Variants in ADGRL2 observed in about 807,000 individuals in gnomAD.
ADGRL2 encodes the protein adhesion G protein-coupled receptor L2, also known as calcium-independent alpha-latrotoxin receptor 2.
Under a neutral mutation model 157.4 loss-of-function variants are expected in ADGRL2, and 44 were observed. The ratio of observed to expected loss-of-function variants is 0.28; its 90% confidence interval spans 0.22 to 0.36. The LOEUF is 0.36. Ranked by LOEUF, ADGRL2 falls within the 10% of genes least tolerant of loss-of-function variation. ADGRL2 has a pLI of 1.00. For synonymous variants in ADGRL2, 585 were observed against 624.7 expected, an observed-to-expected ratio of 0.94 and a Z score of 0.95; for missense variants, 1,510 against 1,768.9, an observed-to-expected ratio of 0.85 and a Z score of 2.63.
chr1:81,353,722 A>G (rs1196835421), intron 1 of ADGRL2, among the ~76,000 whole-genome samples: 1 of 152,148 alleles, frequency 6.6e-6, no homozygotes, highest in East Asian at 1.9e-4. Context: ...AAAACTGAAG[A>G]GGGAGAAAAG....
At chr1:81,875,472 T>G (rs1158390844) in intron 2 of ADGRL2, among the ~76,000 whole-genome samples, 3 of 152,196 alleles carry the variant, frequency 2.0e-5, no homozygotes, top group Non-Finnish European at 4.4e-5. Context: ...TATGAGTATG[T>G]TATGTTCTAT....
At chr1:81,452,965 AG>A (rs141393160) in intron 2 of ADGRL2, among the ~76,000 whole-genome samples, 1 of 152,320 alleles carries the variant, frequency 6.6e-6, no homozygotes, top group East Asian at 1.9e-4. Flanking sequence ...ACATCAAGGC[AG>A]ATATTGCCAG....
chr1:81,447,205 A>G lies in ADGRL2; in HGVS notation c.-248+2116A>G, dbSNP rs1483398365. ...TTATAATAGATACCATTCCCAGATG[A>G]TACTTACGTGAATTTTTTTCTTTTT... On this transcript the variant is annotated intron_variant, in intron 2 of 24. Transcript: ENST00000370721. 1.3e-4 allele frequency among the ~76,000 whole-genome samples: 18 copies of G among 143,168 alleles called. No individual in the cohort carries two copies. In the Admixed American group the frequency reaches 1.3e-3, roughly 10 times the overall value. 93.9% of individuals were successfully genotyped at this position (143,168 alleles called of 152,430 possible).
chr1:81,783,170 C>A (rs1353273470), intron 2 of ADGRL2, among the ~76,000 whole-genome samples: 2 of 152,208 alleles, frequency 1.3e-5, no homozygotes, highest in African/African-American at 4.8e-5. Context: ...GTCGCCCAGG[C>A]TGGAGTGCAG....
intron 1 of ADGRL2, among the ~76,000 whole-genome samples, chr1:81,374,209 C>T (rs1479984705): frequency 6.6e-6 from 1 of 152,116 alleles, no homozygotes; most frequent in African/African-American, 2.4e-5. Flanking sequence ...TGACTCAAAA[C>T]CATTAAAGCA....
Position 81,374,792 on chromosome 1 carries a change from T to C in ADGRL2, c.-302+68283T>C, listed in dbSNP as rs867952645. On this transcript the variant is annotated intron_variant, in intron 1 of 24. Coordinates refer to the ADGRL2 transcript ENST00000370721. The stretch of plus-strand genomic sequence containing the variant: ...AACAATTTAGGATCCTGGGATTTAC[T>C]GAGACTTCCAGCACAGTAACAGCTA... Among the ~76,000 whole-genome samples, 14 of 152,308 alleles carry C rather than the reference T, an allele frequency of 9.2e-5. No individual in the cohort carries two copies. The South Asian group carries it at 1.0e-3, about 11-fold the overall frequency.
intron 2 of ADGRL2, among the ~76,000 whole-genome samples, chr1:81,476,044 G>C: frequency 6.6e-6 from 1 of 152,104 alleles, no homozygotes; most frequent in East Asian, 1.9e-4. Flanking sequence ...TCCCAGCTAC[G>C]TCAACATTGA....
At chr1:81,383,808 CAAAAAAAA>C (rs56660027) in intron 1 of ADGRL2, among the ~76,000 whole-genome samples, 1 of 104,376 alleles carries the variant, frequency 9.6e-6, no homozygotes, top group African/African-American at 3.7e-5. Flanking sequence ...ACTAAAAATA[CAAAAAAAA>C]AAAAAAAAAA....
intron 2 of ADGRL2, among the ~76,000 whole-genome samples, chr1:81,480,664 A>G (rs112232042): frequency 9.8e-5 from 15 of 152,336 alleles, no homozygotes; most frequent in African/African-American, 3.6e-4. Flanking sequence ...TTATTTTCAT[A>G]TGAGCTAGCA....
At chr1:81,671,211 G>T (rs1290274080) in intron 3 of ADGRL2, among the ~76,000 whole-genome samples, 1 of 152,154 alleles carries the variant, frequency 6.6e-6, no homozygotes. Context: ...CTGGTCAGGA[G>T]AACTGAGCCA....
intron 3 of ADGRL2, among the ~76,000 whole-genome samples, chr1:81,583,447 T>A (rs982817136): frequency 3.3e-5 from 5 of 152,150 alleles, no homozygotes; most frequent in African/African-American, 9.7e-5. Context: ...GGCTATAATT[T>A]TCCCTAGAAG....
At chr1:81,776,666 T>G (rs1263579149) in intron 2 of ADGRL2, among the ~76,000 whole-genome samples, 1 of 152,206 alleles carries the variant, frequency 6.6e-6, no homozygotes, top group Non-Finnish European at 1.5e-5. Flanking sequence ...TTTATATAAT[T>G]TGGTCATCAC....
At chr1:81,827,024 A>C (rs2091547739) in intron 1 of ADGRL2, among the ~76,000 whole-genome samples, 1 of 140,656 alleles carries the variant, frequency 7.1e-6, no homozygotes, top group African/African-American at 2.4e-5. Context: ...AGACTTATGA[A>C]AAATAAAAAA....
In ADGRL2 at chr1:81,366,084, T is replaced by TATTGAAAATA. The variant is rs2076061169; in HGVS notation, c.-302+59575_-302+59576insATTGAAAATA. Among the ~76,000 whole-genome samples the TATTGAAAATA allele has an allele frequency of 2.6e-5, 4 of 152,206 alleles. No individual in the cohort carries two copies. In the South Asian group the frequency reaches 8.3e-4, roughly 32 times the overall value. Reference sequence around the variant, plus strand: ...GGATAGTCTGTTGGTTCTTACAGACTGTCATTCTTTTTATACCTTCCTCTT... The same window carrying TATTGAAAATA: ...GGATAGTCTGTTGGTTCTTACAGACTATTGAAAATAGTCATTCTTTTTATACCTTCCTCTT... On this transcript the variant is annotated intron_variant, in intron 1 of 24. Coordinates refer to the ADGRL2 transcript ENST00000370721.
At chr1:81,504,752 C>T (rs2078933424) in intron 2 of ADGRL2, among the ~76,000 whole-genome samples, 1 of 152,116 alleles carries the variant, frequency 6.6e-6, no homozygotes, top group South Asian at 2.1e-4. Context: ...CCCCCACCCC[C>T]AGCTGACCAG....
intron 17 of ADGRL2, among the ~76,000 whole-genome samples, chr1:81,975,586 A>G (rs935141965): frequency 1.3e-5 from 2 of 151,982 alleles, no homozygotes; most frequent in African/African-American, 4.8e-5. Flanking sequence ...AAGGCAGAAA[A>G]ATAAATTGGG....
At chr1:81,677,289 T>A (rs1446156770) in intron 3 of ADGRL2, among the ~76,000 whole-genome samples, 1 of 152,172 alleles carries the variant, frequency 6.6e-6, no homozygotes, top group Non-Finnish European at 1.5e-5. Flanking sequence ...CTGGCCCAAC[T>A]CATTGGATTT....
At chr1:81,658,307 C>T (rs1212964476) in intron 3 of ADGRL2, among the ~76,000 whole-genome samples, 1 of 152,228 alleles carries the variant, frequency 6.6e-6, no homozygotes, top group East Asian at 1.9e-4. Context: ...GTTGCCCAGG[C>T]TGGTCTTGAA....
intron 16 of ADGRL2, 28 bp from the exon 17 acceptor site, chr1:81,971,824 A>C: frequency 1.7e-5 from 21 of 1,228,304 alleles, no homozygotes; most frequent in African/African-American, 3.0e-5. Flanking sequence ...AGAAACTACT[A>C]ATGCATATTC....
Sources: gnomAD v4.1 joint callset for allele counts (sites outside exome capture counted in the v4.1 genomes callset) on GRCh38, gnomAD v4.1.1 for gene constraint, MANE v1.5 for transcripts, NCBI Gene and HGNC (gene_info 2026-07-23, HGNC 2026-07-21) for gene names.